Variants in DPYD observed in about 807,000 individuals in gnomAD.
DPYD encodes dihydropyrimidine dehydrogenase [NADP(+)].
A neutral mutation model predicts 116.2 loss-of-function variants in DPYD; 109 were observed. The ratio of observed to expected loss-of-function variants is 0.94; its 90% confidence interval spans 0.80 to 1.10. The LOEUF (loss-of-function observed/expected upper bound fraction) is 1.10. Among genes scored for constraint, DPYD ranks in the 50% least tolerant of loss-of-function variants. The pLI, the probability that DPYD is intolerant of heterozygous loss-of-function variation, is 0.00. For synonymous variants in DPYD, 440 were observed against 432.0 expected (o/e 1.02, Z -0.23); for missense variants, 1,302 against 1,254.5 (o/e 1.04, Z -0.57).
intron 14 of DPYD, among the ~76,000 whole-genome samples, chr1:97,383,181 T>G (rs972703170): frequency 1.3e-5 from 2 of 151,926 alleles, no homozygotes; most frequent in Admixed American, 6.6e-5. Context: ...TTAAGAAAAG[T>G]AATAACAGAA....
At chr1:97,348,230 C>T (rs1282388018) in intron 16 of DPYD, among the ~76,000 whole-genome samples, 1 of 152,108 alleles carries the variant, frequency 6.6e-6, no homozygotes, top group East Asian at 1.9e-4. Flanking sequence ...TATTACTGTG[C>T]TATATCTACA....
At chr1:97,912,878 C>T (rs531379940) in intron 1 of DPYD, among the ~76,000 whole-genome samples, 152 of 152,130 alleles carry the variant, frequency 1.0e-3, no homozygotes, top group African/African-American at 3.6e-3. Context: ...TGAAAGAAGT[C>T]CCGCAAAGCT....
chr1:97,350,127 AGT>A (rs2101318145), intron 16 of DPYD, among the ~76,000 whole-genome samples: 1 of 152,268 alleles, frequency 6.6e-6, no homozygotes, highest in African/African-American at 2.4e-5. Flanking sequence ...TAGAGGTAGG[AGT>A]GACAAAGAAG....
At chr1:97,218,658 T>C (rs1660575768) in intron 19 of DPYD, among the ~76,000 whole-genome samples, 1 of 151,522 alleles carries the variant, frequency 6.6e-6, no homozygotes. Context: ...CCTTTTCAAA[T>C]CTACTCCATA....
intron 12 of DPYD, among the ~76,000 whole-genome samples, chr1:97,528,075 C>A (rs1448776083): frequency 6.6e-6 from 1 of 152,124 alleles, no homozygotes; most frequent in African/African-American, 2.4e-5. Context: ...GATTAATTCA[C>A]AGACTGGATT....
At chr1:97,148,610 C>T (rs1336729009) in intron 20 of DPYD, among the ~76,000 whole-genome samples, 1 of 152,136 alleles carries the variant, frequency 6.6e-6, no homozygotes, top group African/African-American at 2.4e-5. Flanking sequence ...GATTTTCATA[C>T]ATACCATGAC....
intron 2 of DPYD, among the ~76,000 whole-genome samples, chr1:97,838,477 T>G (rs1669879821): frequency 6.6e-6 from 1 of 152,246 alleles, no homozygotes; most frequent in Non-Finnish European, 1.5e-5. Context: ...AGAGTCAGAT[T>G]TTTCAAGTTA....
intron 20 of DPYD, among the ~76,000 whole-genome samples, chr1:97,109,766 C>A (rs1302488688): frequency 1.3e-5 from 2 of 152,002 alleles, no homozygotes; most frequent in African/African-American, 4.8e-5. Flanking sequence ...ATGAAATGAT[C>A]ATCATTTTGA....
chr1:97,534,464 A>G (rs539018073), intron 12 of DPYD, among the ~76,000 whole-genome samples: 60 of 152,202 alleles, frequency 3.9e-4, no homozygotes, highest in Admixed American at 6.5e-4. Context: ...CTGGTTATTG[A>G]AAAGAACAGT....
intron 19 of DPYD, among the ~76,000 whole-genome samples, chr1:97,221,660 C>T (rs1034731514): frequency 1.3e-5 from 2 of 151,994 alleles, no homozygotes; most frequent in African/African-American, 4.8e-5. Flanking sequence ...AAACAAATAT[C>T]AAAGTGTATA....
intron 2 of DPYD, among the ~76,000 whole-genome samples, chr1:97,840,086 T>A (rs1307126011): frequency 1.3e-5 from 2 of 152,176 alleles, no homozygotes; most frequent in Admixed American, 6.5e-5. Flanking sequence ...AATAGTTTGT[T>A]GTTTCTCTTT....
At chr1:97,872,338 AC>A (rs1355636473) in intron 2 of DPYD, among the ~76,000 whole-genome samples, 3 of 152,090 alleles carry the variant, frequency 2.0e-5, no homozygotes, top group Non-Finnish European at 4.4e-5. Context: ...AAAATAGAGC[AC>A]CCTGCTTAAC....
At chr1:97,105,960 G>C (rs1651108827) in intron 20 of DPYD, among the ~76,000 whole-genome samples, 1 of 152,128 alleles carries the variant, frequency 6.6e-6, no homozygotes, top group African/African-American at 2.4e-5. Flanking sequence ...AAATGTCAGG[G>C]AGATAGTGGG....
chr1:97,239,447 C>A (rs1204218163), intron 18 of DPYD, among the ~76,000 whole-genome samples: 3 of 151,976 alleles, frequency 2.0e-5, no homozygotes, highest in African/African-American at 7.2e-5. Flanking sequence ...TGTCTATCCA[C>A]AAAATATTTT....
chr1:97,617,486 T>G (rs187729467), intron 8 of DPYD, among the ~76,000 whole-genome samples: 1 of 152,334 alleles, frequency 6.6e-6, no homozygotes, highest in East Asian at 1.9e-4. Context: ...TTGGAATTCT[T>G]AGAACTTTAG....
chr1:97,130,515 T>G (rs907745043), intron 20 of DPYD, among the ~76,000 whole-genome samples: 1 of 152,152 alleles, frequency 6.6e-6, no homozygotes, highest in Non-Finnish European at 1.5e-5. Flanking sequence ...TAAACTCCCT[T>G]TATTAGGGAT....
intron 20 of DPYD, among the ~76,000 whole-genome samples, chr1:97,104,939 T>TA (rs1172315442): frequency 2.0e-5 from 3 of 152,104 alleles, no homozygotes; most frequent in Non-Finnish European, 4.4e-5. Flanking sequence ...TGCTTTCTGC[T>TA]AAGTGCTGTG....
In DPYD at chr1:97,480,127, A is replaced by AT. The variant is rs930044053; in HGVS notation, c.1741-29905dup. 5.9e-5 allele frequency among the ~76,000 whole-genome samples: 9 copies of AT among 151,856 alleles called. No homozygotes were observed. In the South Asian group the frequency reaches 6.2e-4, roughly 11 times the overall value. Reference sequence around the variant, plus strand: ...GTGTTGAAACTTTTTAAGAAAAATAATTTTTTTTTACTCTAGAAATTTTAA... The same window carrying AT: ...GTGTTGAAACTTTTTAAGAAAAATAATTTTTTTTTTACTCTAGAAATTTTAA... On this transcript the variant is annotated intron_variant, in intron 13 of 22. Coordinates refer to ENST00000370192, the MANE Select transcript of DPYD (RefSeq NM_000110.4).
At chr1:97,191,325 T>C (rs1658345458) in intron 20 of DPYD, among the ~76,000 whole-genome samples, 1 of 152,148 alleles carries the variant, frequency 6.6e-6, no homozygotes, top group Non-Finnish European at 1.5e-5. Flanking sequence ...CACCTATTGT[T>C]TTAGTCATGT....
Sources: allele counts gnomAD v4.1 joint callset (sites outside exome capture counted in the v4.1 genomes callset), GRCh38; gene constraint gnomAD v4.1.1; transcripts MANE v1.5; gene names NCBI Gene and HGNC (gene_info 2026-07-23, HGNC 2026-07-21).